Variants in ROS1 observed in about 807,000 individuals in gnomAD.
ROS1 encodes the protein proto-oncogene tyrosine-protein kinase ROS.
Under a neutral mutation model 273.5 loss-of-function variants are expected in ROS1, and 263 were observed. The ratio of observed to expected loss-of-function variants is 0.96; its 90% CI spans 0.87 to 1.06. ROS1 has a LOEUF of 1.06. Among genes scored for constraint, ROS1 ranks in the 50% least tolerant of loss-of-function variants. ROS1 has a pLI of 0.00. For synonymous variants in ROS1, 1,008 were observed against 954.1 expected (o/e 1.06, Z -1.04); for missense variants, 2,833 against 2,751.1 (o/e 1.03, Z -0.67).
intron 27 of ROS1, among the ~76,000 whole-genome samples, chr6:117,348,087 AATAAACTC>A (rs1250969711): frequency 8.6e-5 from 13 of 152,018 alleles, no homozygotes; most frequent in African/African-American, 3.1e-4. Context: ...TCTGGCCTAG[AATAAACTC>A]ATTCATTGGC....
At chr6:117,347,642 T>C (rs7763650) in intron 27 of ROS1, among the ~76,000 whole-genome samples, 3,645 of 152,180 alleles carry the variant, frequency 0.024, 53 homozygotes, top group South Asian at 0.057. Context: ...CATCCTTACC[T>C]TGTTTCTGAT....
At chr6:117,416,427 T>C in intron 2 of ROS1, 110 bp from the exon 3 acceptor site, 2 of 741,712 alleles carry the variant, frequency 2.7e-6, no homozygotes, top group Non-Finnish European at 4.7e-6. Flanking sequence ...GTTTTAGAAA[T>C]AGAAACCTAC....
At chr6:117,292,897 A>G (rs78629158) in intron 43 of ROS1, among the ~76,000 whole-genome samples, 1 of 152,128 alleles carries the variant, frequency 6.6e-6, no homozygotes. Flanking sequence ...TCATTAATTC[A>G]GCTTTCATTA....
In ROS1 at chr6:117,344,162, G is replaced by A. The variant is rs1204649980; in HGVS notation, c.4404C>T (p.Asn1468=). 1 of 1,613,900 alleles carries A rather than the reference G, an allele frequency of 6.2e-7. No homozygotes were observed. Among genetic ancestry groups the A allele is most frequent in the South Asian group, 1.1e-5 (1 of 91,082 alleles). ...LTIRLPLAKT[N]LTWYGITSPT... Reference sequence around the variant, plus strand: ...GGCTGGTGATGCCATACCATGTGAGGTTTGTCTTGGCCAGAGGTAATCTGA... The same window carrying A: ...GGCTGGTGATGCCATACCATGTGAGATTTGTCTTGGCCAGAGGTAATCTGA... The change falls in exon 28 of 44, where the codon AAC becomes AAT. Residue 1468 remains asparagine, a synonymous_variant. Coordinates refer to ENST00000368507, the MANE Select transcript of ROS1 (RefSeq NM_001378902.1).
At chr6:117,329,130 C>T (rs1157392924) in intron 33 of ROS1, among the ~76,000 whole-genome samples, 199 bp downstream of exon 33, 3 of 152,124 alleles carry the variant, frequency 2.0e-5, no homozygotes, top group Non-Finnish European at 4.4e-5. Flanking sequence ...CTGAGAATGA[C>T]GTGATCTGTT....
intron 31 of ROS1, among the ~76,000 whole-genome samples, chr6:117,338,127 A>G (rs951470020): frequency 3.9e-5 from 6 of 152,106 alleles, no homozygotes; most frequent in Non-Finnish European, 8.8e-5. Context: ...AAAAGACAAA[A>G]AGATATGGCA....
At chr6:117,384,457 C>T (rs922503242) in intron 16 of ROS1, among the ~76,000 whole-genome samples, 2 of 152,106 alleles carry the variant, frequency 1.3e-5, no homozygotes, top group African/African-American at 4.8e-5. Flanking sequence ...GACATGTCGG[C>T]TATTTGTTTT....
At chr6:117,307,295 T>C (rs751847503) in intron 42 of ROS1, among the ~76,000 whole-genome samples, 14 of 152,150 alleles carry the variant, frequency 9.2e-5, no homozygotes, top group Non-Finnish European at 1.3e-4. Flanking sequence ...TATTGCATGA[T>C]TGTGACGAGG....
chr6:117,344,178 G>A lies in ROS1; in HGVS notation c.4388C>T (p.Pro1463Leu), dbSNP rs533175529. The A allele has an allele frequency of 6.2e-7, 1 of 1,613,950 alleles. No individual in the cohort carries two copies. Among genetic ancestry groups the A allele is most frequent in the Admixed American group, 1.7e-5 (1 of 59,978 alleles). The change falls in exon 28 of 44, where the codon CCT becomes CTT. Residue 1463 changes from proline (P) to leucine (L), a missense_variant. By Grantham distance (98) the Pro-to-Leu change is moderately conservative. Coordinates refer to ENST00000368507, the MANE Select transcript of ROS1 (RefSeq NM_001378902.1). The stretch of plus-strand genomic sequence containing the variant: ...CCATGTGAGGTTTGTCTTGGCCAGA[G>A]GTAATCTGATTGTGAGGCTAGTGTT... ...ATNTSLTIRL[P>L]LAKTNLTWYG...
chr6:117,413,371 T>C (rs1775081973), intron 4 of ROS1, among the ~76,000 whole-genome samples: 1 of 152,208 alleles, frequency 6.6e-6, no homozygotes, highest in East Asian at 1.9e-4. Flanking sequence ...TAGCTGGGAT[T>C]ACAGGTGCAC....
intron 43 of ROS1, among the ~76,000 whole-genome samples, chr6:117,300,086 CTTTTTTTTTTTT>C (rs10700318): frequency 3.1e-5 from 1 of 31,842 alleles, no homozygotes; most frequent in Non-Finnish European, 5.3e-5. Flanking sequence ...CCAGGACAGG[CTTTTTTTTTTTT>C]TTTTTTTTTT....
intron 18 of ROS1, among the ~76,000 whole-genome samples, chr6:117,370,148 C>A (rs529138360): frequency 8.3e-4 from 126 of 152,048 alleles, no homozygotes; most frequent in African/African-American, 2.7e-3. Flanking sequence ...TTTCTACTTA[C>A]CAAAAAAAGG....
intron 18 of ROS1, among the ~76,000 whole-genome samples, chr6:117,378,338 A>C (rs1781505862): frequency 6.6e-6 from 1 of 152,246 alleles, no homozygotes; most frequent in Non-Finnish European, 1.5e-5. Context: ...GTAATAAAAA[A>C]GAAAAACTAG....
chr6:117,373,808 G>A (rs1315530243), intron 18 of ROS1, among the ~76,000 whole-genome samples: 1 of 152,234 alleles, frequency 6.6e-6, no homozygotes, highest in Non-Finnish European at 1.5e-5. Flanking sequence ...TGCTGAGAGT[G>A]AGCGAGGGCT....
At chr6:117,402,325 C>G (rs1774012840) in intron 7 of ROS1, among the ~76,000 whole-genome samples, 1 of 152,112 alleles carries the variant, frequency 6.6e-6, no homozygotes. Context: ...GCCTGAAACT[C>G]TCTATGTGAG....
intron 20 of ROS1, 35 bp from the exon 21 acceptor site, chr6:117,365,239 G>A (rs773269772): frequency 7.9e-6 from 12 of 1,524,732 alleles, no homozygotes; most frequent in Admixed American, 2.1e-5. Flanking sequence ...TTTTCTCAGG[G>A]AGAGAATTAT....
chr6:117,423,701 A>G (rs10046392), intron 1 of ROS1, among the ~76,000 whole-genome samples: 18,542 of 150,728 alleles, frequency 0.12, 1,233 homozygotes, highest in African/African-American at 0.16. Context: ...TCTTGTGGTG[A>G]CTTTTTTTTT....
intron 33 of ROS1, 110 bp downstream of exon 33, chr6:117,329,219 T>C (rs1776871520): frequency 1.4e-5 from 9 of 653,098 alleles, no homozygotes; most frequent in Non-Finnish European, 2.2e-5. Flanking sequence ...TAACTAAAGA[T>C]CTTTGTGTTT....
In ROS1 at chr6:117,358,020, G is replaced by A; in HGVS notation, c.3634-11C>T. 6.3e-7 allele frequency: 1 copy of A among 1,580,168 alleles called. No homozygotes were observed. The highest frequency in any genetic ancestry group is 8.7e-7 in the Non-Finnish European group (1 of 1,150,222). On this transcript the variant is annotated splice_polypyrimidine_tract_variant and intron_variant, in intron 24 of 43. Transcript: ENST00000368507. Reference sequence around the variant, plus strand: ...TGAATCTTGGAAAAGCTTAACAACAGGTAGAGAACACAGCCAAGAAGAGAG... The same window carrying A: ...TGAATCTTGGAAAAGCTTAACAACAAGTAGAGAACACAGCCAAGAAGAGAG...
Sources: gnomAD v4.1 joint callset for allele counts (sites outside exome capture counted in the v4.1 genomes callset) on GRCh38, gnomAD v4.1.1 for gene constraint, MANE v1.5 for transcripts, NCBI Gene and HGNC (gene_info 2026-07-23, HGNC 2026-07-21) for gene names.